The following RYR3 variants were observed in gnomAD, a reference collection of about 807,000 sequenced individuals.
RYR3 encodes the protein brain ryanodine receptor-calcium release channel.
Under a neutral mutation model 584.3 loss-of-function variants are expected in RYR3, and 207 were observed. That is an observed-to-expected ratio of 0.35 (90% confidence interval 0.32 to 0.40). RYR3 has a LOEUF of 0.40. Among genes scored for constraint, RYR3 ranks in the 10% least tolerant of loss-of-function variants. The probability of loss-of-function intolerance (pLI) is 1.00; values close to 1 mark genes in which losing one functional copy is unlikely to be tolerated. For synonymous variants in RYR3, 2,416 were observed against 2,248.5 expected, an observed-to-expected ratio of 1.07 and a Z score of -2.11; for missense variants, 5,616 against 6,089.2, an observed-to-expected ratio of 0.92 and a Z score of 2.59.
At chr15:33,430,002 C>A (rs950572645) in intron 1 of RYR3, among the ~76,000 whole-genome samples, 1 of 152,212 alleles carries the variant, frequency 6.6e-6, no homozygotes, top group African/African-American at 2.4e-5. Flanking sequence ...GCTGGGTGTG[C>A]TGGTGGTTGG....
chr15:33,498,931 T>C (rs1312187507), intron 2 of RYR3, among the ~76,000 whole-genome samples: 1 of 152,180 alleles, frequency 6.6e-6, no homozygotes, highest in African/African-American at 2.4e-5. Flanking sequence ...TTGAAGAGAC[T>C]GTTCTTTCCC....
intron 16 of RYR3, among the ~76,000 whole-genome samples, chr15:33,588,161 A>C (rs1283122099): frequency 2.6e-5 from 4 of 152,180 alleles, no homozygotes; most frequent in Admixed American, 6.5e-5. Context: ...TTCAGTTCTC[A>C]TTACGACCTT....
chr15:33,540,686 T>C (rs1195954363), intron 6 of RYR3, 105 bp from the exon 7 acceptor site: 2 of 702,088 alleles, frequency 2.8e-6, no homozygotes, highest in Non-Finnish European at 5.1e-6. Context: ...AAGAACCAGA[T>C]GACAGTAAGG....
At chr15:33,468,136 G>A (rs1309944220) in intron 1 of RYR3, among the ~76,000 whole-genome samples, 4 of 152,148 alleles carry the variant, frequency 2.6e-5, no homozygotes, top group Non-Finnish European at 4.4e-5. Flanking sequence ...GTGGCACTGG[G>A]CAAGTGACTT....
chr15:33,680,054 A>G (rs2064477487), intron 38 of RYR3, among the ~76,000 whole-genome samples: 1 of 152,206 alleles, frequency 6.6e-6, no homozygotes, highest in African/African-American at 2.4e-5. Context: ...GACATTCACT[A>G]ATTGATTGTA....
At chr15:33,549,173 C>T (rs986161731) in intron 9 of RYR3, among the ~76,000 whole-genome samples, 1 of 152,104 alleles carries the variant, frequency 6.6e-6, no homozygotes, top group Non-Finnish European at 1.5e-5. Context: ...TCTTTCCAAA[C>T]CCATTAAAAA....
At chr15:33,854,498 T>C (rs1391497287) in intron 97 of RYR3, 49 bp downstream of exon 97, 2 of 1,461,782 alleles carry the variant, frequency 1.4e-6, no homozygotes, top group East Asian at 2.4e-5. Context: ...AGTTCAGGGA[T>C]GCCACAGAGA....
chr15:33,387,865 G>A (rs1399804651), intron 1 of RYR3, among the ~76,000 whole-genome samples: 1 of 152,030 alleles, frequency 6.6e-6, no homozygotes, highest in Non-Finnish European at 1.5e-5. Context: ...GAAAAACAAT[G>A]ATGGAGAATG....
At chr15:33,690,116 T>C (rs2065308288) in intron 38 of RYR3, among the ~76,000 whole-genome samples, 1 of 152,180 alleles carries the variant, frequency 6.6e-6, no homozygotes, top group Non-Finnish European at 1.5e-5. Context: ...TTTCCAGTAT[T>C]AATAAGAGCA....
At chr15:33,689,096 A>G (rs541835605) in intron 38 of RYR3, among the ~76,000 whole-genome samples, 6 of 151,880 alleles carry the variant, frequency 4.0e-5, no homozygotes, top group Non-Finnish European at 7.4e-5. Context: ...GAAGCTGGAA[A>G]CCATTCCCAG....
At chr15:33,643,247 A>G (rs1595942374) in intron 27 of RYR3, among the ~76,000 whole-genome samples, 1 of 151,948 alleles carries the variant, frequency 6.6e-6, no homozygotes, top group Non-Finnish European at 1.5e-5. Context: ...AACTTCTCCT[A>G]CCCTTCCAGG....
chr15:33,679,631 G>A (rs1295163311), intron 38 of RYR3, among the ~76,000 whole-genome samples: 1 of 152,206 alleles, frequency 6.6e-6, no homozygotes, highest in African/African-American at 2.4e-5. Flanking sequence ...CAGAGACACA[G>A]AGAGGTAGGT....
At chr15:33,414,310 G>A (rs2043623295) in intron 1 of RYR3, among the ~76,000 whole-genome samples, 1 of 152,158 alleles carries the variant, frequency 6.6e-6, no homozygotes, top group Non-Finnish European at 1.5e-5. Flanking sequence ...TTTGGAGAGT[G>A]GTATTGTAAG....
intron 67 of RYR3, among the ~76,000 whole-genome samples, chr15:33,794,035 C>T (rs1435482317): frequency 6.9e-5 from 5 of 72,520 alleles, no homozygotes; most frequent in Non-Finnish European, 1.1e-4. Context: ...TAAATATATA[C>T]ATAAATACAT....
intron 98 of RYR3, chr15:33,856,155 T>C (rs972671136): frequency 8.5e-5 from 13 of 152,244 alleles, no homozygotes; most frequent in Middle Eastern, 3.2e-3. Flanking sequence ...AGAGCGTAGA[T>C]TCACCCCCTT....
intron 1 of RYR3, among the ~76,000 whole-genome samples, chr15:33,469,538 CAG>C (rs2048759894): frequency 6.6e-6 from 1 of 151,702 alleles, no homozygotes. Flanking sequence ...GGGGAGGACT[CAG>C]AGATACGAGA....
chr15:33,798,633 T>C lies in RYR3; in HGVS notation c.9831-2137T>C, dbSNP rs2152928158. ...TGATCAGAACTTAGTTACATAGCTATAGTTAAAGGGAAGCTGGGTAATGTG... is the reference window on the plus strand; with the variant it reads ...TGATCAGAACTTAGTTACATAGCTACAGTTAAAGGGAAGCTGGGTAATGTG... On this transcript the variant is annotated intron_variant, in intron 67 of 103. Coordinates refer to ENST00000634891, the MANE Select transcript of RYR3 (RefSeq NM_001036.6). Among the ~76,000 whole-genome samples the C allele has an allele frequency of 2.6e-5, 4 of 152,318 alleles. No homozygotes were observed. The South Asian group carries it at 8.3e-4, about 32-fold the overall frequency.
At position 33,853,612 on chromosome 15, in the gene RYR3, T is replaced by G; in HGVS notation, c.13729T>G (p.Leu4577Val). 3 of 1,613,998 alleles carry G rather than the reference T, an allele frequency of 1.9e-6. No individual in the cohort carries two copies. The South Asian group carries it at 3.3e-5, about 18-fold the overall frequency. The stretch of plus-strand genomic sequence containing the variant: ...AGAACGCATTGCTGAACTTCTGGGT[T>G]TGGACAAAAATGCTCTTGACTTTAG... ...GAERIAELLGLDKNALDFSPV... is the reference protein window; with the variant it reads ...GAERIAELLGVDKNALDFSPV... The change falls in exon 96 of 104, where the codon TTG (leucine) becomes GTG (valine). Residue 4577 changes from leucine (L) to valine (V), a missense_variant. By Grantham distance (32) the Leu-to-Val change is conservative (BLOSUM62 1). Coordinates refer to ENST00000634891, the MANE Select transcript of RYR3 (RefSeq NM_001036.6).
chr15:33,696,027 T>C (rs1036393203), intron 38 of RYR3, among the ~76,000 whole-genome samples, 191 bp from the exon 39 acceptor site: 2 of 141,274 alleles, frequency 1.4e-5, no homozygotes, highest in Non-Finnish European at 3.0e-5. Flanking sequence ...ACTGCTAGGC[T>C]CAAGAAATCC....
Sources: allele counts gnomAD v4.1 joint callset (sites outside exome capture counted in the v4.1 genomes callset), GRCh38; gene constraint gnomAD v4.1.1; transcripts MANE v1.5; gene names NCBI Gene and HGNC (gene_info 2026-07-23, HGNC 2026-07-21).